Variants in KDM3B observed in about 807,000 individuals in gnomAD.
KDM3B encodes the protein lysine-specific demethylase 3B.
Under a neutral mutation model 170.0 loss-of-function variants are expected in KDM3B, and 10 were observed. The observed-to-expected ratio is 0.06, with a 90% CI of 0.04 to 0.10. The LOEUF is 0.10. KDM3B is among the 10% of genes least tolerant of loss of function. The probability of loss-of-function intolerance (pLI) is 1.00; values close to 1 mark genes in which losing one functional copy is unlikely to be tolerated. For missense variants in KDM3B, 1,394 were observed against 2,195.2 expected, an observed-to-expected ratio of 0.64 and a Z score of 7.29; for synonymous variants, 831 against 834.8, an observed-to-expected ratio of 1.00 and a Z score of 0.08.
rs372689650 is a variant in KDM3B, at chr5:138,434,229, C to T, written c.5206-1391C>T. On this transcript the variant is annotated intron_variant, in intron 23 of 23. Coordinates refer to ENST00000314358, the MANE Select transcript of KDM3B (RefSeq NM_016604.4). ...CTATGATCACCCCACTACACTCCAG[C>T]CTGGGCAACAGACTCTGTCTCTTTA... is the stretch of plus-strand genomic sequence containing the variant. Among the ~76,000 whole-genome samples, 37 of 152,160 alleles carry T rather than the reference C, an allele frequency of 2.4e-4. No individual in the cohort carries two copies. In the East Asian group the frequency reaches 3.7e-3, roughly 15 times the overall value.
At chr5:138,356,485 C>G (rs1028229326) in intron 1 of KDM3B, among the ~76,000 whole-genome samples, 8 of 152,104 alleles carry the variant, frequency 5.3e-5, no homozygotes, top group African/African-American at 1.9e-4. Context: ...TGTGTACTGG[C>G]TTTTTCATTT....
intron 1 of KDM3B, among the ~76,000 whole-genome samples, chr5:138,365,995 CAA>C (rs1561757478): frequency 6.6e-6 from 1 of 151,960 alleles, no homozygotes; most frequent in Non-Finnish European, 1.5e-5. Flanking sequence ...GATACTGTCT[CAA>C]ATAAATAAAT....
intron 12 of KDM3B, among the ~76,000 whole-genome samples, chr5:138,417,264 A>G (rs1035044139): frequency 3.9e-5 from 6 of 152,212 alleles, no homozygotes; most frequent in African/African-American, 1.2e-4. Flanking sequence ...TACCTGGGCT[A>G]AAGTCTTAGT....
chr5:138,431,694 G>A, intron 23 of KDM3B, 135 bp downstream of exon 23: 1 of 816,584 alleles, frequency 1.2e-6, no homozygotes, highest in East Asian at 2.9e-5. Flanking sequence ...CAGGGAAGAA[G>A]TTTGGGGATA....
At chr5:138,404,402 G>A (rs868472462) in intron 11 of KDM3B, among the ~76,000 whole-genome samples, 24 of 152,090 alleles carry the variant, frequency 1.6e-4, no homozygotes, top group African/African-American at 5.3e-4. Flanking sequence ...CAAGGTGGGC[G>A]GGATCACCTG....
chr5:138,408,075 T>A (rs1455702751), intron 11 of KDM3B, among the ~76,000 whole-genome samples: 1 of 152,208 alleles, frequency 6.6e-6, no homozygotes, highest in Non-Finnish European at 1.5e-5. Context: ...TCATCTTCCC[T>A]TCGCTTTGTC....
chr5:138,393,309 G>A lies in KDM3B; in HGVS notation c.2768G>A (p.Arg923Gln), dbSNP rs1361517878. ...CGTGAATGCCGCCTGGAGCGGTACC[G>A]GAAGTTTAAGGAACAGGAGCAAGAT... ...KCRECRLERY[R>Q]KFKEQEQDDS... Residue 923 changes from arginine (R) to glutamine (Q), a missense_variant, in exon 9 of 24, where the codon CGG becomes CAG. Coordinates refer to ENST00000314358, the MANE Select transcript of KDM3B (RefSeq NM_016604.4). 2.5e-6 allele frequency: 4 copies of A among 1,614,190 alleles called. No individual in the cohort carries two copies. Among genetic ancestry groups the A allele is most frequent in the South Asian group, 1.1e-5 (1 of 91,082 alleles).
Position 138,425,552 on chromosome 5 carries a change from G to A in KDM3B, c.4381G>A (p.Asp1461Asn). The A allele has an allele frequency of 6.2e-7, 1 of 1,614,054 alleles. No individual in the cohort carries two copies. Among genetic ancestry groups the A allele is most frequent in the South Asian group, 1.1e-5 (1 of 91,072 alleles). ...CAIISDVKVR[D>N]FWDGFEIICK... The stretch of plus-strand genomic sequence containing the variant: ...TATAATTTCCGATGTGAAAGTTCGG[G>A]ATTTCTGGGATGGTTTCGAGATCAT... The change falls in exon 17 of 24, where the codon GAT becomes AAT. Residue 1461 changes from aspartate to asparagine, a missense_variant. This residue lies in a region of KDM3B where 66 missense variants were observed against 178.8 expected (regional missense o/e 0.37). Coordinates refer to ENST00000314358, the MANE Select transcript of KDM3B (RefSeq NM_016604.4).
chr5:138,373,807 G>A (rs1761932072), intron 2 of KDM3B, among the ~76,000 whole-genome samples: 1 of 152,000 alleles, frequency 6.6e-6, no homozygotes, highest in African/African-American at 2.4e-5. Context: ...ATTTAATTGT[G>A]AGAGTATCCA....
intron 1 of KDM3B, among the ~76,000 whole-genome samples, chr5:138,362,199 C>G (rs1761626009): frequency 6.6e-6 from 1 of 151,816 alleles, no homozygotes; most frequent in Non-Finnish European, 1.5e-5. Flanking sequence ...CGCACGTAAT[C>G]CCTGCTACTC....
chr5:138,391,129 G>A lies in KDM3B; in HGVS notation c.1497G>A (p.Glu499=). Residue 499 remains glutamate, a synonymous_variant, in exon 8 of 24, where the codon GAG becomes GAA. Coordinates refer to ENST00000314358, the MANE Select transcript of KDM3B (RefSeq NM_016604.4). This position sits in a 1 kb window ranked among gnomAD's most constrained non-coding sequence, Gnocchi z 5.0. ...AGTCCAATGGTGTTCTAGCCACAGA[G>A]AACAAACCTTTGGGCTTCTCTTTTG... is the stretch of plus-strand genomic sequence containing the variant. ...RSQSNGVLAT[E]NKPLGFSFGC... 1 of 1,614,154 alleles carries A rather than the reference G, an allele frequency of 6.2e-7. No homozygotes were observed. Among genetic ancestry groups the A allele is most frequent in the Non-Finnish European group, 8.5e-7 (1 of 1,179,998 alleles).
intron 20 of KDM3B, among the ~76,000 whole-genome samples, chr5:138,428,785 A>G (rs1039105670): frequency 2.6e-4 from 40 of 152,200 alleles, no homozygotes; most frequent in Admixed American, 1.4e-3. Flanking sequence ...GGACCTTCAT[A>G]AAAATGAAGC....
intron 11 of KDM3B, among the ~76,000 whole-genome samples, chr5:138,408,583 T>C (rs903136046): frequency 6.6e-6 from 1 of 152,104 alleles, no homozygotes; most frequent in Non-Finnish European, 1.5e-5. Flanking sequence ...GCCAGCATTA[T>C]ACTAATATCA....
chr5:138,410,274 T>C (rs894238878), intron 11 of KDM3B, among the ~76,000 whole-genome samples: 3 of 152,118 alleles, frequency 2.0e-5, no homozygotes, highest in Admixed American at 2.0e-4. Flanking sequence ...CAAAACAATT[T>C]TGAAATAGAG....
Position 138,425,540 on chromosome 5 carries a change from G to A in KDM3B, c.4369G>A (p.Val1457Met). 2 of 1,614,100 alleles carry A rather than the reference G, an allele frequency of 1.2e-6. No individual in the cohort carries two copies. The highest frequency in any genetic ancestry group is 1.7e-6 in the Non-Finnish European group (2 of 1,179,988). Reference sequence around the variant, plus strand: ...CAGGAACTGTGCTATAATTTCCGATGTGAAAGTTCGGGATTTCTGGGATGG... The same window carrying A: ...CAGGAACTGTGCTATAATTTCCGATATGAAAGTTCGGGATTTCTGGGATGG... Reference protein sequence around the residue: ...NCRNCAIISDVKVRDFWDGFE... With the variant: ...NCRNCAIISDMKVRDFWDGFE... Residue 1457 changes from valine (V) to methionine (M), a missense_variant, in exon 17 of 24, where the codon GTG becomes ATG. Around this residue, in one of 19 missense-constraint regions of KDM3B, gnomAD observed 66 missense variants for 178.8 expected, o/e 0.37. Coordinates refer to ENST00000314358, the MANE Select transcript of KDM3B (RefSeq NM_016604.4).
At chr5:138,426,765 CCTGTAATCCCAG>C in intron 17 of KDM3B, 198 bp from the exon 18 acceptor site, 1 of 458,934 alleles carries the variant, frequency 2.2e-6, no homozygotes, top group Non-Finnish European at 4.0e-6. Context: ...GTGGTGGTTG[CCTGTAATCCCAG>C]CTACTCAGGG....
intron 1 of KDM3B, among the ~76,000 whole-genome samples, chr5:138,359,109 C>G (rs1374806714): frequency 6.6e-6 from 1 of 151,962 alleles, no homozygotes; most frequent in Non-Finnish European, 1.5e-5. Flanking sequence ...CATGTCCCTA[C>G]AAAGGACATG....
chr5:138,411,568 G>A (rs1418519398), intron 11 of KDM3B, among the ~76,000 whole-genome samples: 3 of 151,684 alleles, frequency 2.0e-5, no homozygotes, highest in Non-Finnish European at 4.4e-5. Flanking sequence ...GTGGACCATA[G>A]GCCTAAACAT....
chr5:138,382,440 A>G (rs1291520014), intron 6 of KDM3B, among the ~76,000 whole-genome samples: 1 of 152,154 alleles, frequency 6.6e-6, no homozygotes, highest in African/African-American at 2.4e-5. Context: ...TGATAGAGCA[A>G]GACTCCGTCT....
Sources: allele counts gnomAD v4.1 joint callset (sites outside exome capture counted in the v4.1 genomes callset), GRCh38; gene constraint gnomAD v4.1.1; regional missense constraint gnomAD v4.1.1; non-coding constraint Gnocchi (gnomAD v3.1); transcripts MANE v1.5; gene names NCBI Gene and HGNC (gene_info 2026-07-23, HGNC 2026-07-21).